RAD51B: variants seen among roughly 807,000 people sequenced by gnomAD.
RAD51B encodes the protein RAD51 paralog B.
A neutral mutation model predicts 42.2 loss-of-function variants in RAD51B; 38 were observed. That is an observed-to-expected ratio of 0.90 (90% CI 0.70 to 1.18). The LOEUF (loss-of-function observed/expected upper bound fraction) is 1.18, where lower values mean the gene tolerates loss of function less well. RAD51B is among the 50% of genes most tolerant of loss of function. The pLI is 0.00. For synonymous variants in RAD51B, 154 were observed against 145.2 expected (o/e 1.06, Z -0.43); for missense variants, 373 against 400.7 (o/e 0.93, Z 0.59).
chr14:68,168,971 G>A (rs974283416), intron 7 of RAD51B, among the ~76,000 whole-genome samples: 1 of 152,038 alleles, frequency 6.6e-6, no homozygotes, highest in African/African-American at 2.4e-5. Flanking sequence ...TTTTATTCCA[G>A]GTCCTAGGAC....
At chr14:68,143,022 G>T (rs576004108) in intron 7 of RAD51B, among the ~76,000 whole-genome samples, 5 of 151,464 alleles carry the variant, frequency 3.3e-5, no homozygotes, top group East Asian at 1.9e-4. Flanking sequence ...CGAGGGGGTG[G>T]GGGGGGAGTT....
intron 7 of RAD51B, among the ~76,000 whole-genome samples, chr14:68,095,842 G>A (rs1034521891): frequency 1.3e-5 from 2 of 151,944 alleles, no homozygotes; most frequent in African/African-American, 2.4e-5. Flanking sequence ...CAGGCGTGGT[G>A]GCGGGCGCCT....
chr14:68,563,238 T>C, intron 10 of RAD51B: 1 of 985,386 alleles, frequency 1.0e-6, no homozygotes. Flanking sequence ...TGCCACATCA[T>C]TACCTGCAGA....
At chr14:67,837,486 G>A (rs1042791456) in intron 4 of RAD51B, among the ~76,000 whole-genome samples, 1 of 152,034 alleles carries the variant, frequency 6.6e-6, no homozygotes, top group African/African-American at 2.4e-5. Context: ...TTATCTAATT[G>A]GCTGACTTGG....
chr14:68,404,457 G>T (rs2084207958), intron 8 of RAD51B, among the ~76,000 whole-genome samples: 1 of 152,162 alleles, frequency 6.6e-6, no homozygotes, highest in Non-Finnish European at 1.5e-5. Context: ...AATCATTTAT[G>T]CCAGCCCTCT....
intron 7 of RAD51B, among the ~76,000 whole-genome samples, chr14:68,140,009 G>A (rs917020551): frequency 6.6e-6 from 1 of 152,138 alleles, no homozygotes; most frequent in East Asian, 1.9e-4. Context: ...GGAGCAGCAG[G>A]TGCCTCCCTG....
chr14:68,219,330 C>G (rs1299658400), intron 7 of RAD51B, among the ~76,000 whole-genome samples: 1 of 152,206 alleles, frequency 6.6e-6, no homozygotes, highest in Non-Finnish European at 1.5e-5. Flanking sequence ...ATTGCATCCT[C>G]TCTATAGGAT....
chr14:67,990,583 C>G (rs549502114), intron 7 of RAD51B, among the ~76,000 whole-genome samples: 1 of 151,816 alleles, frequency 6.6e-6, no homozygotes, highest in African/African-American at 2.4e-5. Context: ...TTTGTTTACT[C>G]GAGAGGCAGA....
At chr14:68,518,704 C>T (rs1022902372) in intron 10 of RAD51B, among the ~76,000 whole-genome samples, 1 of 152,198 alleles carries the variant, frequency 6.6e-6, no homozygotes, top group Non-Finnish European at 1.5e-5. Context: ...TTTGAAACCC[C>T]TTCCCTGCTG....
chr14:68,024,333 T>C (rs1364169939), intron 7 of RAD51B, among the ~76,000 whole-genome samples: 1 of 152,160 alleles, frequency 6.6e-6, no homozygotes, highest in East Asian at 1.9e-4. Context: ...TCTAAAATTC[T>C]ATATGAATTT....
chr14:67,874,402 G>C (rs1269150912), intron 5 of RAD51B, among the ~76,000 whole-genome samples: 2 of 148,852 alleles, frequency 1.3e-5, no homozygotes, highest in Admixed American at 1.3e-4. Flanking sequence ...CTTTCTTAAA[G>C]CGTTATGACT....
chr14:67,968,424 T>C (rs1169070010), intron 7 of RAD51B, among the ~76,000 whole-genome samples: 1 of 152,222 alleles, frequency 6.6e-6, no homozygotes, highest in Non-Finnish European at 1.5e-5. Context: ...CTAAGTTTTA[T>C]GCTCTGTTTC....
downstream of RAD51B, among the ~76,000 whole-genome samples, chr14:68,599,693 G>A (rs980460630): frequency 2.6e-5 from 4 of 152,150 alleles, no homozygotes; most frequent in African/African-American, 9.7e-5. Context: ...AATCGGTCTG[G>A]ACCATGAGTG....
At chr14:68,392,576 A>G (rs1215588476) in intron 8 of RAD51B, among the ~76,000 whole-genome samples, 1 of 152,166 alleles carries the variant, frequency 6.6e-6, no homozygotes, top group Non-Finnish European at 1.5e-5. Context: ...ATAAACAAAG[A>G]TGCTATTTCA....
intron 8 of RAD51B, among the ~76,000 whole-genome samples, chr14:68,298,304 G>A (rs565369168): frequency 3.7e-4 from 57 of 152,302 alleles, no homozygotes; most frequent in Admixed American, 1.7e-3. Context: ...AGGCCAGGGG[G>A]CAATGTAACC....
intron 7 of RAD51B, among the ~76,000 whole-genome samples, chr14:68,257,286 T>C (rs535948310): frequency 1.8e-4 from 28 of 152,320 alleles, no homozygotes; most frequent in Middle Eastern, 3.4e-3. Context: ...AATAGTTATG[T>C]AATGTTATGA....
At chr14:68,283,090 C>T (rs1230078768) in intron 7 of RAD51B, among the ~76,000 whole-genome samples, 1 of 152,184 alleles carries the variant, frequency 6.6e-6, no homozygotes. Flanking sequence ...GGGGAAATCA[C>T]TTAATACCAG....
chr14:68,667,450 T>G (rs116331508), intron 11 of RAD51B, among the ~76,000 whole-genome samples: 12,751 of 152,058 alleles, frequency 0.084, 598 homozygotes, highest in Middle Eastern at 0.13. Flanking sequence ...TTATTGTAAA[T>G]CAAATATAAA....
chr14:67,853,908 A>G (rs1173337103), intron 4 of RAD51B, among the ~76,000 whole-genome samples: 1 of 152,190 alleles, frequency 6.6e-6, no homozygotes, highest in East Asian at 1.9e-4. Flanking sequence ...TTCATTCTTA[A>G]AGCAGAAGCA....
Sources: allele counts gnomAD v4.1 joint callset (sites outside exome capture counted in the v4.1 genomes callset), GRCh38; gene constraint gnomAD v4.1.1; transcripts MANE v1.5; gene names NCBI Gene and HGNC (gene_info 2026-07-23, HGNC 2026-07-21).